Variants in GABRG3 observed in about 807,000 individuals in gnomAD.
GABRG3 encodes gamma-aminobutyric acid receptor subunit gamma-3.
A neutral mutation model predicts 48.8 loss-of-function variants in GABRG3; 25 were observed. The observed-to-expected ratio is 0.51, with a 90% CI of 0.37 to 0.72. GABRG3 has a LOEUF of 0.72. Among genes scored for constraint, GABRG3 ranks in the 30% least tolerant of loss-of-function variants. The probability of loss-of-function intolerance (pLI) is 0.00; values close to 1 mark genes in which losing one functional copy is unlikely to be tolerated. For synonymous variants in GABRG3, 227 were observed against 217.6 expected (o/e 1.04, Z -0.38); for missense variants, 394 against 577.9 (o/e 0.68, Z 3.26).
intron 5 of GABRG3, among the ~76,000 whole-genome samples, chr15:27,444,992 C>G (rs1888900667): frequency 2.0e-5 from 3 of 152,134 alleles, no homozygotes; most frequent in Non-Finnish European, 4.4e-5. Flanking sequence ...CTGCCTCAGC[C>G]TCCCAAGTAG....
chr15:27,442,667 C>T (rs1888826537), intron 5 of GABRG3, among the ~76,000 whole-genome samples: 1 of 152,232 alleles, frequency 6.6e-6, no homozygotes, highest in Non-Finnish European at 1.5e-5. Context: ...ACATATTCTG[C>T]CGTGTCTTCT....
intron 2 of GABRG3, among the ~76,000 whole-genome samples, chr15:27,011,374 C>T: frequency 6.6e-6 from 1 of 152,156 alleles, no homozygotes; most frequent in Non-Finnish European, 1.5e-5. Context: ...GCTTCTCTTC[C>T]TCCTTCCATC....
At chr15:26,997,413 T>C (rs1895362239) in intron 2 of GABRG3, among the ~76,000 whole-genome samples, 1 of 152,174 alleles carries the variant, frequency 6.6e-6, no homozygotes, top group Non-Finnish European at 1.5e-5. Context: ...TTTCTCATAT[T>C]TCAAAAAAAC....
At chr15:27,160,182 T>G (rs947457923) in intron 3 of GABRG3, among the ~76,000 whole-genome samples, 1 of 152,212 alleles carries the variant, frequency 6.6e-6, no homozygotes, top group Non-Finnish European at 1.5e-5. Context: ...GAATGTTGCA[T>G]GGAAGGTAAC....
intron 5 of GABRG3, among the ~76,000 whole-genome samples, chr15:27,394,321 C>T (rs1051811905): frequency 6.6e-5 from 10 of 152,068 alleles, no homozygotes; most frequent in African/African-American, 2.4e-4. Flanking sequence ...TTAATACTAA[C>T]TTTATTTTAG....
chr15:27,203,077 A>G (rs1459576909), intron 3 of GABRG3, among the ~76,000 whole-genome samples: 1 of 152,170 alleles, frequency 6.6e-6, no homozygotes, highest in African/African-American at 2.4e-5. Flanking sequence ...TTCAAAGGAT[A>G]CATGTGCAGG....
chr15:27,026,851 C>T (rs377618882), intron 3 of GABRG3, 30 bp downstream of exon 3: 40 of 1,495,140 alleles, frequency 2.7e-5, no homozygotes, highest in Middle Eastern at 1.7e-4. Flanking sequence ...TCTGATCTAA[C>T]GGCTGTTGCA....
At chr15:27,086,108 T>C (rs1457597547) in intron 3 of GABRG3, among the ~76,000 whole-genome samples, 4 of 147,894 alleles carry the variant, frequency 2.7e-5, no homozygotes, top group Non-Finnish European at 6.0e-5. Context: ...CCTTTTGGAG[T>C]TTTGGCAGTT....
chr15:27,133,611 C>G (rs1161688048), intron 3 of GABRG3, among the ~76,000 whole-genome samples: 2 of 152,202 alleles, frequency 1.3e-5, no homozygotes, highest in Non-Finnish European at 2.9e-5. Flanking sequence ...TGCTCTGCTT[C>G]CAAGTATTTA....
chr15:27,098,144 T>C (rs952652537), intron 3 of GABRG3, among the ~76,000 whole-genome samples: 1 of 152,106 alleles, frequency 6.6e-6, no homozygotes, highest in Non-Finnish European at 1.5e-5. Context: ...TAAAAAATAC[T>C]GAATGTTGGC....
chr15:27,313,276 A>ATATATATATATGTATATG (rs1348649927), intron 3 of GABRG3, among the ~76,000 whole-genome samples: 1 of 76,664 alleles, frequency 1.3e-5, no homozygotes, highest in East Asian at 5.6e-4. Context: ...ATATATATAT[A>ATATATATATATGTATATG]TATATATATA....
intron 5 of GABRG3, among the ~76,000 whole-genome samples, chr15:27,448,952 A>C (rs1173959316): frequency 6.6e-6 from 1 of 152,240 alleles, no homozygotes; most frequent in Non-Finnish European, 1.5e-5. Flanking sequence ...ACAGCTGGAT[A>C]ATAAATTTAG....
At chr15:27,249,864 G>T (rs1448019128) in intron 3 of GABRG3, among the ~76,000 whole-genome samples, 2 of 152,194 alleles carry the variant, frequency 1.3e-5, no homozygotes, top group South Asian at 2.1e-4. Context: ...ATTCAATTAG[G>T]TGCATTAAGA....
chr15:27,192,367 A>C (rs940181414), intron 3 of GABRG3, among the ~76,000 whole-genome samples: 2 of 152,194 alleles, frequency 1.3e-5, no homozygotes, highest in Non-Finnish European at 2.9e-5. Context: ...TACACCAATC[A>C]GACGTAGATT....
chr15:27,098,736 A>G (rs1214236904), intron 3 of GABRG3, among the ~76,000 whole-genome samples: 1 of 152,044 alleles, frequency 6.6e-6, no homozygotes, highest in African/African-American at 2.4e-5. Context: ...TATGTGGCAA[A>G]TTATCATATG....
chr15:27,088,951 C>T (rs1307191712), intron 3 of GABRG3, among the ~76,000 whole-genome samples: 5 of 152,024 alleles, frequency 3.3e-5, no homozygotes, highest in East Asian at 1.9e-4. Context: ...GGGGCTGTGC[C>T]GGGTCCAGGG....
intron 3 of GABRG3, among the ~76,000 whole-genome samples, chr15:27,301,128 G>A (rs1892191647): frequency 6.6e-6 from 1 of 152,056 alleles, no homozygotes; most frequent in Admixed American, 6.6e-5. Context: ...AAGAACAGAG[G>A]TAGAGGAACC....
intron 3 of GABRG3, among the ~76,000 whole-genome samples, chr15:27,248,257 C>T (rs545156317): frequency 1.3e-5 from 2 of 152,282 alleles, no homozygotes; most frequent in East Asian, 3.9e-4. Context: ...TTCAAAAGGA[C>T]CTCGCGCCCT....
At chr15:27,321,042 G>T (rs2140514587) in intron 3 of GABRG3, among the ~76,000 whole-genome samples, 1 of 152,202 alleles carries the variant, frequency 6.6e-6, no homozygotes, top group East Asian at 1.9e-4. Context: ...GAGCAGCCTT[G>T]GTCCTCTGGG....
Sources: gnomAD v4.1 joint callset for allele counts (sites outside exome capture counted in the v4.1 genomes callset) on GRCh38, gnomAD v4.1.1 for gene constraint, MANE v1.5 for transcripts, NCBI Gene and HGNC (gene_info 2026-07-23, HGNC 2026-07-21) for gene names.